Variants in TAX1BP1 observed in about 807,000 individuals in gnomAD.
TAX1BP1 encodes the protein Tax1 binding protein 1, also known as tax1-binding protein 1.
Under a neutral mutation model 97.7 loss-of-function variants are expected in TAX1BP1, and 62 were observed. That is an observed-to-expected ratio of 0.63 (90% CI 0.52 to 0.78). The LOEUF (loss-of-function observed/expected upper bound fraction) is 0.78, where lower values mean the gene tolerates loss of function less well. Ranked by LOEUF, TAX1BP1 falls within the 30% of genes least tolerant of loss-of-function variation. The pLI is 0.00. For missense variants in TAX1BP1, 867 were observed against 916.1 expected, an observed-to-expected ratio of 0.95 and a Z score of 0.69; for synonymous variants, 340 against 304.2, an observed-to-expected ratio of 1.12 and a Z score of -1.23.
At chr7:27,780,670 C>A (rs926031068) in intron 5 of TAX1BP1, among the ~76,000 whole-genome samples, 7 of 152,020 alleles carry the variant, frequency 4.6e-5, no homozygotes, top group Admixed American at 1.3e-4. Flanking sequence ...TGCCAATTGT[C>A]ATCAAGAAAA....
intron 1 of TAX1BP1, among the ~76,000 whole-genome samples, chr7:27,746,122 G>A (rs575049686): frequency 6.6e-6 from 1 of 152,064 alleles, no homozygotes; most frequent in East Asian, 1.9e-4. Context: ...TTTATTTTAG[G>A]AAATGATATG....
At chr7:27,744,890 A>G (rs925228083) in intron 1 of TAX1BP1, among the ~76,000 whole-genome samples, 4 of 152,248 alleles carry the variant, frequency 2.6e-5, no homozygotes, top group Non-Finnish European at 5.9e-5. Flanking sequence ...TTTAGACCAA[A>G]GACTTTATAA....
At chr7:27,801,698 A>G (rs1444863122) in intron 13 of TAX1BP1, among the ~76,000 whole-genome samples, 1 of 152,224 alleles carries the variant, frequency 6.6e-6, no homozygotes, top group Non-Finnish European at 1.5e-5. Context: ...AAGCCATGGG[A>G]AGCTAAACAG....
At chr7:27,782,194 G>C (rs1224702649) in intron 5 of TAX1BP1, among the ~76,000 whole-genome samples, 2 of 151,644 alleles carry the variant, frequency 1.3e-5, no homozygotes, top group Non-Finnish European at 2.9e-5. Flanking sequence ...AATTCCATAA[G>C]ATTTTTCCAT....
chr7:27,754,956 C>G (rs748103255), intron 2 of TAX1BP1, among the ~76,000 whole-genome samples: 4 of 152,048 alleles, frequency 2.6e-5, no homozygotes, highest in Non-Finnish European at 4.4e-5. Context: ...GTGATTTTTT[C>G]ACTTAATCAC....
intron 1 of TAX1BP1, 70 bp from the exon 2 acceptor site, chr7:27,748,448 A>G: frequency 9.6e-7 from 1 of 1,046,682 alleles, no homozygotes; most frequent in Non-Finnish European, 1.3e-6. Flanking sequence ...ATTAAATATT[A>G]TGTATTTTCT....
chr7:27,755,002 G>A (rs1237398155), intron 2 of TAX1BP1, among the ~76,000 whole-genome samples: 1 of 152,072 alleles, frequency 6.6e-6, no homozygotes, highest in Non-Finnish European at 1.5e-5. Flanking sequence ...TCTCATTGAG[G>A]AATTTATGCT....
Position 27,816,993 on chromosome 7 carries a change from A to G in TAX1BP1, c.2040A>G (p.Arg680=), listed in dbSNP as rs762358666. The G allele has an allele frequency of 2.5e-6, 4 of 1,613,984 alleles. No individual in the cohort carries two copies. Among genetic ancestry groups the G allele is most frequent in the South Asian group, 1.1e-5 (1 of 91,088 alleles). The change falls in exon 15 of 17, where the codon CGA becomes CGG. Residue 680 remains arginine (R), a synonymous_variant. Transcript: ENST00000396319. ...EDNVVCSQPA[R]NFSRPDGLED... The stretch of plus-strand genomic sequence containing the variant: ...ATGTTGTCTGCAGCCAGCCTGCTCG[A>G]AACTTTAGTCGGCCTGATGGCTTAG...
At chr7:27,787,278 C>G (rs557428529) in intron 7 of TAX1BP1, 140 bp from the exon 8 acceptor site, 2 of 644,504 alleles carry the variant, frequency 3.1e-6, no homozygotes, top group African/African-American at 3.8e-5. Context: ...TTGGCAGAAC[C>G]TGGGTCTCCT....
chr7:27,792,704 A>G (rs1371587255), intron 9 of TAX1BP1, among the ~76,000 whole-genome samples: 1 of 152,146 alleles, frequency 6.6e-6, no homozygotes, highest in South Asian at 2.1e-4. Context: ...GCTCACACCT[A>G]TAACCTCAGC....
chr7:27,768,199 C>G (rs142500322), intron 4 of TAX1BP1, among the ~76,000 whole-genome samples: 1 of 152,002 alleles, frequency 6.6e-6, no homozygotes, highest in Non-Finnish European at 1.5e-5. Flanking sequence ...AGTGAAGTGT[C>G]TGCAATTTCA....
At chr7:27,750,764 G>C (rs901790614) in intron 2 of TAX1BP1, among the ~76,000 whole-genome samples, 3 of 152,108 alleles carry the variant, frequency 2.0e-5, no homozygotes, top group Admixed American at 6.6e-5. Flanking sequence ...AAAGCCAAAA[G>C]ACTGTGACTT....
intron 1 of TAX1BP1, among the ~76,000 whole-genome samples, chr7:27,740,969 T>TGC (rs138754469): frequency 7.2e-5 from 11 of 151,842 alleles, no homozygotes; most frequent in South Asian, 4.1e-4. Context: ...GAGTTTAGCG[T>TGC]GCGCGCGCGC....
chr7:27,789,878 A>G (rs1345990302), intron 8 of TAX1BP1, among the ~76,000 whole-genome samples: 2 of 151,972 alleles, frequency 1.3e-5, no homozygotes. Flanking sequence ...ATTATTTGTT[A>G]TTTAATAAGA....
chr7:27,745,658 A>G (rs1338636201), intron 1 of TAX1BP1, among the ~76,000 whole-genome samples: 4 of 152,134 alleles, frequency 2.6e-5, no homozygotes, highest in Non-Finnish European at 4.4e-5. Flanking sequence ...TACTTTTCAG[A>G]CTTGTAACCA....
At chr7:27,801,946 G>A (rs1267922527) in intron 13 of TAX1BP1, among the ~76,000 whole-genome samples, 1 of 152,174 alleles carries the variant, frequency 6.6e-6, no homozygotes, top group African/African-American at 2.4e-5. Flanking sequence ...AGACATTATG[G>A]AGTAACTAGA....
intron 5 of TAX1BP1, among the ~76,000 whole-genome samples, chr7:27,784,206 A>G (rs544124973): frequency 1.3e-5 from 2 of 152,222 alleles, no homozygotes; most frequent in East Asian, 1.9e-4. Context: ...TGGGTAGGTA[A>G]GTATTACTGT....
rs190946088 is a variant in TAX1BP1 at position 27,742,542 on chromosome 7, A to G, written c.-8+2273A>G. Among the ~76,000 whole-genome samples the G allele has an allele frequency of 6.7e-3, 1,014 of 152,342 alleles. 13 individuals are homozygous for G. Among genetic ancestry groups the G allele is most frequent in the African/African-American group, 0.023 (977 of 41,578 alleles). On this transcript the variant is annotated intron_variant, in intron 1 of 16. Transcript: ENST00000396319. ...AAGGCAGAATAATTTTTCTTAGTAC[A>G]GAACAAAATGGAGTCTCCTATGTCT... is the stretch of plus-strand genomic sequence containing the variant.
At position 27,740,165 on chromosome 7, in the gene TAX1BP1, C is replaced by CT. The variant is rs923329221; in HGVS notation, c.-109dup. 5 of 152,444 alleles carry CT rather than the reference C, an allele frequency of 3.3e-5. No individual in the cohort carries two copies. The highest frequency in any genetic ancestry group is 7.3e-5 in the Non-Finnish European group (5 of 68,310). The allele number at this position is 152,444 out of a possible 1,614,324, so 9.4% of individuals were successfully genotyped here. ...GGCTGGGAGGGGAGGTGTAGCCGGTCTTTGGGGGTAGGCGGTAGTGGCGGA... is the reference window on the plus strand; with the variant it reads ...GGCTGGGAGGGGAGGTGTAGCCGGTCTTTTGGGGGTAGGCGGTAGTGGCGGA... On this transcript the variant is annotated 5_prime_UTR_variant, in exon 1 of 17. Transcript: ENST00000396319.
Sources: gnomAD v4.1 joint callset for allele counts (sites outside exome capture counted in the v4.1 genomes callset) on GRCh38, gnomAD v4.1.1 for gene constraint, MANE v1.5 for transcripts, NCBI Gene and HGNC (gene_info 2026-07-23, HGNC 2026-07-21) for gene names.